Variants in MYH2 observed in about 807,000 individuals in gnomAD.
MYH2 encodes the protein myosin heavy chain 2, also known as myosin-2.
Under a neutral mutation model 228.1 loss-of-function variants are expected in MYH2, and 139 were observed. That is an observed-to-expected ratio of 0.61 (90% CI 0.53 to 0.70). The LOEUF is 0.70. Ranked by LOEUF, MYH2 falls within the 30% of genes least tolerant of loss-of-function variation. MYH2 has a pLI of 0.00. For missense variants in MYH2, 1,809 were observed against 2,357.5 expected (o/e 0.77, Z 4.82); for synonymous variants, 796 against 871.1 (o/e 0.91, Z 1.52).
At chr17:10,523,272 G>A (rs778791985) in intron 38 of MYH2, 36 bp downstream of exon 38, 35 of 1,611,074 alleles carry the variant, frequency 2.2e-5, no homozygotes, top group Middle Eastern at 1.6e-4. Flanking sequence ...CATAAACTTC[G>A]ACCAGTGCTT....
intron 19 of MYH2, 154 bp downstream of exon 19, chr17:10,534,919 A>C: frequency 1.0e-6 from 1 of 983,512 alleles, no homozygotes; most frequent in East Asian, 2.5e-5. Flanking sequence ...TTTGTCTCAA[A>C]ACAAAAGTGT....
intron 10 of MYH2, among the ~76,000 whole-genome samples, chr17:10,542,075 A>C (rs1468899122): frequency 6.6e-6 from 1 of 152,198 alleles, no homozygotes; most frequent in Non-Finnish European, 1.5e-5. Context: ...GGAGTTCGAG[A>C]CCAGCCTGGA....
rs145014502 is a variant in MYH2, at chr17:10,543,765, T to C, written c.687A>G (p.Leu229=). 775 of 1,614,118 alleles carry C rather than the reference T, an allele frequency of 4.8e-4. 3 individuals are homozygous for C. In the African/African-American group the frequency reaches 9.5e-3, roughly 20 times the overall value. ...TCTTGGCGTTGCCAAAGGCCTCCAG[T>C]AGGGGGTTGGCACTGATGATTTGAT... is the stretch of plus-strand genomic sequence containing the variant. ...LEDQIISANP[L]LEAFGNAKTV... is the part of the protein sequence containing the mutation. Residue 229 remains leucine (L), a synonymous_variant, in exon 8 of 40, where the codon CTA becomes CTG. Transcript: ENST00000245503.
rs202050465 is a variant in MYH2 at position 10,524,470 on chromosome 17, G to A, written c.5171C>T (p.Thr1724Ile). 97 of 1,614,038 alleles carry A rather than the reference G, an allele frequency of 6.0e-5. No homozygotes were observed. Among genetic ancestry groups the A allele is most frequent in the Admixed American group, 3.0e-4 (18 of 60,002 alleles). The change falls in exon 35 of 40, where the codon ACC (threonine) becomes ATC (isoleucine). Residue 1724 changes from threonine (T) to isoleucine (I), a missense_variant. Thr to Ile is a moderately conservative substitution (Grantham distance 89, BLOSUM62 -1). This residue lies in a region of MYH2 where 278 missense variants were observed against 308.5 expected (regional missense o/e 0.90). Coordinates refer to ENST00000245503, the MANE Select transcript of MYH2 (RefSeq NM_017534.6). The surrounding 1 kb of genome is among the most constrained non-coding windows in gnomAD (Gnocchi z 4.7). The part of the protein sequence containing the change: ...DASERVQLLH[T>I]QNTSLINTKK... ...GTTCTTTGTGCTGAATCCCACCTGG[G>A]TGTGCAGTAGCTGAACACGCTCACT...
In MYH2 at chr17:10,547,806, A is replaced by G; in HGVS notation, c.115T>C (p.Phe39Leu). The G allele has an allele frequency of 1.2e-6, 2 of 1,614,180 alleles. No homozygotes were observed. The highest frequency in any genetic ancestry group is 1.7e-6 in the Non-Finnish European group (2 of 1,180,042). Residue 39 changes from phenylalanine (F) to leucine (L), a missense_variant, in exon 3 of 40, where the codon TTT (phenylalanine) becomes CTT (leucine). Coordinates refer to ENST00000245503, the MANE Select transcript of MYH2 (RefSeq NM_017534.6). ...NRPFDAKTSV[F>L]VAEPKESFVK... ...AAGGATTCTTTGGGCTCCGCCACAA[A>G]GACAGATGTTTTGGCATCAAAGGGC... is the stretch of plus-strand genomic sequence containing the variant.
At chr17:10,538,068 C>A (rs144999074) in intron 14 of MYH2, among the ~76,000 whole-genome samples, 22 of 152,258 alleles carry the variant, frequency 1.4e-4, no homozygotes, top group Non-Finnish European at 2.6e-4. Flanking sequence ...TTATGATATT[C>A]TTTTCCTGCA....
intron 21 of MYH2, 124 bp from the exon 22 acceptor site, chr17:10,532,012 A>AC (rs2073430679): frequency 1.6e-6 from 2 of 1,255,706 alleles, no homozygotes; most frequent in Non-Finnish European, 2.3e-6. Flanking sequence ...GCAGATGAAA[A>AC]AATTCTATTT....
At chr17:10,543,280 G>T in intron 8 of MYH2, 119 bp from the exon 9 acceptor site, 1 of 741,184 alleles carries the variant, frequency 1.3e-6, no homozygotes, top group Non-Finnish European at 2.2e-6. Flanking sequence ...ATTTGCATCA[G>T]GTAGAAAAAG....
chr17:10,546,334 G>A (rs1280418977), intron 4 of MYH2, among the ~76,000 whole-genome samples: 1 of 133,560 alleles, frequency 7.5e-6, no homozygotes, highest in Non-Finnish European at 1.5e-5. Context: ...TTGACAATTG[G>A]TTCAAGACAA....
chr17:10,543,566 A>ATCTATG (rs1221613338), intron 8 of MYH2, 145 bp downstream of exon 8: 23 of 1,249,022 alleles, frequency 1.8e-5, no homozygotes, highest in Non-Finnish European at 1.9e-5. Context: ...TGGGGCTTTG[A>ATCTATG]TCTATGTTAT....
chr17:10,533,750 AAGG>A, intron 19 of MYH2, 118 bp from the exon 20 acceptor site: 1 of 1,355,050 alleles, frequency 7.4e-7, no homozygotes, highest in Non-Finnish European at 1.0e-6. Context: ...CTTTGTTCAC[AAGG>A]AGAACATTGT....
intron 19 of MYH2, 127 bp downstream of exon 19, chr17:10,534,946 G>A: frequency 8.2e-7 from 1 of 1,213,336 alleles, no homozygotes. Flanking sequence ...CTTGAGACTT[G>A]TAATTTTTTT....
At position 10,536,598 on chromosome 17, in the gene MYH2, C is replaced by A; in HGVS notation, c.1906G>T (p.Gly636Cys). ...GAQTAEGEGA[G>C]GGAKKGGKKK... is the part of the protein sequence containing the mutation. ...TTACCACCTTTCTTGGCCCCTCCAC[C>A]AGCTCCCTCTGAAGAAAAAGGAAGA... The change falls in exon 17 of 40, where the codon GGT becomes TGT. Residue 636 changes from glycine to cysteine, a missense_variant. Gly to Cys is a radical substitution (Grantham distance 159). Transcript: ENST00000245503. 5 of 1,613,662 alleles carry A rather than the reference C, an allele frequency of 3.1e-6. No homozygotes were observed. The highest frequency in any genetic ancestry group is 4.2e-6 in the Non-Finnish European group (5 of 1,179,720).
At position 10,536,565 on chromosome 17, in the gene MYH2, CCTT is replaced by C. The variant is rs2142309594; in HGVS notation, c.1936_1938del (p.Lys646del). On this transcript the variant is annotated inframe_deletion, in exon 17 of 40. Coordinates refer to ENST00000245503, the MANE Select transcript of MYH2 (RefSeq NM_017534.6). ...GCAGACACTGTCTGGAAAGAAGAGCCCTTCTTCTTACCACCTTTCTTGGCCCCT... is the reference window on the plus strand; with the variant it reads ...GCAGACACTGTCTGGAAAGAAGAGCCCTTCTTACCACCTTTCTTGGCCCCT... The C allele has an allele frequency of 4.3e-6, 7 of 1,613,944 alleles. No homozygotes were observed. The highest frequency in any genetic ancestry group is 1.6e-4 in the Middle Eastern group (1 of 6,062).
Position 10,526,294 on chromosome 17 carries a change from A to C in MYH2, c.4187+305T>G, listed in dbSNP as rs180884772. On this transcript the variant is annotated intron_variant, in intron 30 of 39. Transcript: ENST00000245503. Reference sequence around the variant, plus strand: ...TCTGTGGAGAGGGTATTTCAGACAGAGAGAAAAGCAGGTACAAGCCCCTGA... The same window carrying C: ...TCTGTGGAGAGGGTATTTCAGACAGCGAGAAAAGCAGGTACAAGCCCCTGA... Among the ~76,000 whole-genome samples the C allele has an allele frequency of 4.8e-3, 734 of 152,316 alleles. 5 individuals carry two copies. The highest frequency in any genetic ancestry group is 6.1e-3 in the Non-Finnish European group (417 of 68,026).
chr17:10,525,503 C>T lies in MYH2; in HGVS notation c.4485G>A (p.Glu1495=), dbSNP rs745403978. The T allele has an allele frequency of 1.9e-6, 3 of 1,614,166 alleles. No individual in the cohort carries two copies. Among genetic ancestry groups the T allele is most frequent in the African/African-American group, 2.7e-5 (2 of 75,036 alleles). The change falls in exon 32 of 40, where the codon GAG becomes GAA. Residue 1495 remains glutamate (E), a synonymous_variant. Transcript: ENST00000245503. The surrounding 1 kb of genome is among the most constrained non-coding windows in gnomAD (Gnocchi z 4.2). ...GGGTTTCTAGCTGATCCAAAGATTC[C>T]TCATAGGCATTCTTTATCTTGAACA... ...TELFKIKNAY[E]ESLDQLETLK... is the part of the protein sequence containing the mutation.
intron 22 of MYH2, among the ~76,000 whole-genome samples, chr17:10,530,852 C>A (rs746764017): frequency 6.6e-6 from 1 of 152,054 alleles, no homozygotes; most frequent in African/African-American, 2.4e-5. Context: ...CTTCTGTAAT[C>A]TAGAAGGAGT....
chr17:10,521,588 T>TAC (rs2073285444), intron 39 of MYH2, among the ~76,000 whole-genome samples, 156 bp from the exon 40 acceptor site: 1 of 151,314 alleles, frequency 6.6e-6, no homozygotes, highest in Admixed American at 6.6e-5. Context: ...GTCATATATA[T>TAC]ATATATATAT....
chr17:10,536,479 A>G, intron 17 of MYH2, 51 bp downstream of exon 17: 1 of 1,497,478 alleles, frequency 6.7e-7, no homozygotes, highest in Non-Finnish European at 9.2e-7. Context: ...AGACCCATGT[A>G]AAAAAAATCC....
Sources: gnomAD v4.1 joint callset for allele counts (sites outside exome capture counted in the v4.1 genomes callset) on GRCh38, gnomAD v4.1.1 for gene constraint, gnomAD v4.1.1 regional missense constraint, Gnocchi (gnomAD v3.1) non-coding constraint, MANE v1.5 for transcripts, NCBI Gene and HGNC (gene_info 2026-07-23, HGNC 2026-07-21) for gene names.